Variants in HERC5 observed in about 807,000 individuals in gnomAD.
HERC5 encodes HECT and RLD domain containing E3 ubiquitin protein ligase 5.
A neutral mutation model predicts 119.6 loss-of-function variants in HERC5; 99 were observed. The observed-to-expected ratio is 0.83, with a 90% CI of 0.70 to 0.98. The LOEUF (loss-of-function observed/expected upper bound fraction) is 0.98. Among genes scored for constraint, HERC5 ranks in the 50% least tolerant of loss-of-function variants. The pLI is 0.00. For missense variants in HERC5, 1,267 were observed against 1,241.3 expected (o/e 1.02, Z -0.31); for synonymous variants, 478 against 445.9 (o/e 1.07, Z -0.91).
chr4:88,467,069 CT>C lies in HERC5; in HGVS notation c.924del (p.Ala309ProfsTer29). The C allele has an allele frequency of 1.2e-6, 2 of 1,614,036 alleles. No homozygotes were observed. The highest frequency in any genetic ancestry group is 1.7e-6 in the Non-Finnish European group (2 of 1,179,928). ...TQIACGRWHTLAYVSDLGKVF... is the reference protein window; with the variant it reads ...TQIACGRWHTXAYVSDLGKVF... ...GCTTTTATTTAATAGGTGGCACACA[CT>C]TGCCTATGTTTCTGATTTGGGAAAG... is the stretch of plus-strand genomic sequence containing the variant. On this transcript the variant is annotated frameshift_variant, in exon 7 of 23. Transcript: ENST00000264350. LOFTEE classifies it high-confidence loss of function.
intron 6 of HERC5, among the ~76,000 whole-genome samples, chr4:88,464,628 G>T (rs1258314347): frequency 1.1e-4 from 16 of 149,588 alleles, no homozygotes; most frequent in Non-Finnish European, 1.9e-4. Flanking sequence ...TTGCTTTGTT[G>T]CCCAGGCTGG....
At chr4:88,479,632 A>ATT in intron 13 of HERC5, 125 bp downstream of exon 13, 1 of 599,106 alleles carries the variant, frequency 1.7e-6, no homozygotes. Flanking sequence ...TATTTTTTTA[A>ATT]TTTTTTTTTA....
intron 13 of HERC5, 139 bp from the exon 14 acceptor site, chr4:88,485,976 T>C (rs1425146394): frequency 2.2e-6 from 1 of 453,914 alleles, no homozygotes; most frequent in Non-Finnish European, 4.0e-6. Flanking sequence ...GCTCTGGCAG[T>C]GGAGGAATTG....
chr4:88,493,214 A>G (rs1741701254), intron 17 of HERC5, 59 bp downstream of exon 17: 5 of 1,487,276 alleles, frequency 3.4e-6, no homozygotes, highest in Non-Finnish European at 9.2e-7. Flanking sequence ...ACCATATACC[A>G]TAGAAAATTA....
At chr4:88,465,028 C>T (rs996757912) in intron 6 of HERC5, among the ~76,000 whole-genome samples, 2 of 152,142 alleles carry the variant, frequency 1.3e-5, no homozygotes, top group African/African-American at 4.8e-5. Flanking sequence ...CCTCGGCCTC[C>T]CAAAGTGCTG....
Position 88,462,355 on chromosome 4 carries a change from G to A in HERC5, c.687G>A (p.Glu229=). 6.2e-7 allele frequency: 1 copy of A among 1,611,854 alleles called. No homozygotes were observed. Among genetic ancestry groups the A allele is most frequent in the Non-Finnish European group, 8.5e-7 (1 of 1,177,900 alleles). Residue 229 remains glutamate, a splice_region_variant and synonymous_variant, in exon 4 of 23, where the codon GAG becomes GAA. Coordinates refer to ENST00000264350, the MANE Select transcript of HERC5 (RefSeq NM_016323.4). ...ECGQLGLGHT[E]SKDDPSLIEG... ...GACAACTAGGCCTGGGCCACACTGAGAGTATGGAACACATTCTCAGATTCC... is the reference window on the plus strand; with the variant it reads ...GACAACTAGGCCTGGGCCACACTGAAAGTATGGAACACATTCTCAGATTCC...
Position 88,505,838 on chromosome 4 carries a change from C to T in HERC5, c.3035C>T (p.Ala1012Val), listed in dbSNP as rs752546199. 2.0e-5 allele frequency: 32 copies of T among 1,613,072 alleles called. No homozygotes were observed. Among genetic ancestry groups the T allele is most frequent in the Non-Finnish European group, 2.5e-5 (30 of 1,179,508 alleles). The change falls in exon 23 of 23, where the codon GCG becomes GTG. Residue 1012 changes from alanine (A) to valine (V), a missense_variant. Ala to Val is a moderately conservative substitution (Grantham distance 64). Transcript: ENST00000264350. ...TCTACAATGGAAACAGTTGAAGAAG[C>T]GCTTCAAGAAGCCATCAACAACAAC... The part of the protein sequence containing the change: ...KYSTMETVEE[A>V]LQEAINNNRG...
At position 88,493,056 on chromosome 4, in the gene HERC5, G is replaced by T; in HGVS notation, c.2178G>T (p.Lys726Asn). The T allele has an allele frequency of 2.5e-6, 4 of 1,613,980 alleles. No homozygotes were observed. The highest frequency in any genetic ancestry group is 3.4e-6 in the Non-Finnish European group (4 of 1,179,912). ...GEIGYDLGGV[K>N]KEFFYCLFAE... ...TTGGGTATGACCTCGGAGGAGTCAA[G>T]AAAGAGTTCTTCTACTGTCTGTTTG... The change falls in exon 17 of 23, where the codon AAG becomes AAT. Residue 726 changes from lysine (K) to asparagine (N), a missense_variant. Physicochemically the swap from Lys to Asn is moderately conservative, Grantham distance 94. Coordinates refer to ENST00000264350, the MANE Select transcript of HERC5 (RefSeq NM_016323.4).
rs764329743 is a variant in HERC5, at chr4:88,479,554, A to C, written c.1737+47A>C. On this transcript the variant is annotated intron_variant, in intron 13 of 22. Coordinates refer to ENST00000264350, the MANE Select transcript of HERC5 (RefSeq NM_016323.4). ...TCTGTGTTTTTATCTAGCTGTAAAAATTCCCTTCCTTTCAGCTGGCTTGAA... is the reference window on the plus strand; with the variant it reads ...TCTGTGTTTTTATCTAGCTGTAAAACTTCCCTTCCTTTCAGCTGGCTTGAA... 11 of 1,464,086 alleles carry C rather than the reference A, an allele frequency of 7.5e-6. No individual in the cohort carries two copies. In the South Asian group the frequency reaches 1.5e-4, roughly 20 times the overall value. The allele number at this position is 1,464,086 out of a possible 1,614,324, so 90.7% of individuals were successfully genotyped here.
intron 18 of HERC5, among the ~76,000 whole-genome samples, chr4:88,498,779 C>A (rs1432094253): frequency 6.6e-6 from 1 of 152,152 alleles, no homozygotes; most frequent in Non-Finnish European, 1.5e-5. Flanking sequence ...TCATGTTGGC[C>A]AGGCTGGTCT....
At chr4:88,464,168 ATTTTTTT>A (rs374132307) in intron 6 of HERC5, among the ~76,000 whole-genome samples, 183 bp downstream of exon 6, 14 of 111,220 alleles carry the variant, frequency 1.3e-4, no homozygotes, top group South Asian at 8.3e-4. Context: ...GTTTTCTTTG[ATTTTTTT>A]TTTTTTTTTT....
rs543156233 is a variant in HERC5, at chr4:88,465,731, G to A, written c.912-1328G>A. On this transcript the variant is annotated intron_variant, in intron 6 of 22. Coordinates refer to ENST00000264350, the MANE Select transcript of HERC5 (RefSeq NM_016323.4). The stretch of plus-strand genomic sequence containing the variant: ...AGGACAATTCACTGGAAAGACTCAC[G>A]AACTTACTAAAAGCTATTATGCTCA... Among the ~76,000 whole-genome samples the A allele has an allele frequency of 1.4e-4, 21 of 152,292 alleles. No homozygotes were observed. In the East Asian group the frequency reaches 3.3e-3, roughly 24 times the overall value.
chr4:88,482,776 G>A (rs138651900), intron 13 of HERC5, among the ~76,000 whole-genome samples: 6 of 152,116 alleles, frequency 3.9e-5, no homozygotes, highest in East Asian at 1.9e-4. Flanking sequence ...GATTACAGGC[G>A]TGCACCACCA....
intron 12 of HERC5, among the ~76,000 whole-genome samples, chr4:88,477,064 CTT>C (rs35438949): frequency 1.4e-4 from 17 of 124,752 alleles, no homozygotes; most frequent in African/African-American, 1.5e-4. Context: ...GTATTTATAG[CTT>C]TTTTTTTTTT....
chr4:88,505,977 CA>C lies in HERC5; in HGVS notation c.*100del. The C allele has an allele frequency of 1.1e-6, 1 of 884,242 alleles. No homozygotes were observed. 54.8% of individuals were successfully genotyped at this position (884,242 alleles called of 1,614,324 possible). On this transcript the variant is annotated 3_prime_UTR_variant, in exon 23 of 23. Coordinates refer to ENST00000264350, the MANE Select transcript of HERC5 (RefSeq NM_016323.4). ...ACTTTGTTTTGTTTTAGGCTTTTAG[CA>C]GCCTGAAGCCATGGTTTTTCATTTC... is the stretch of plus-strand genomic sequence containing the variant.
At chr4:88,485,904 C>T (rs1464217758) in intron 13 of HERC5, among the ~76,000 whole-genome samples, 1 of 151,568 alleles carries the variant, frequency 6.6e-6, no homozygotes, top group East Asian at 1.9e-4. Context: ...AGAGGTTTAT[C>T]ATTACATCAT....
chr4:88,494,231 A>C lies in HERC5; in HGVS notation c.2344A>C (p.Asn782His). 1 of 1,613,356 alleles carries C rather than the reference A, an allele frequency of 6.2e-7. No homozygotes were observed. Among genetic ancestry groups the C allele is most frequent in the Non-Finnish European group, 8.5e-7 (1 of 1,179,484 alleles). Residue 782 changes from asparagine (N) to histidine (H), a missense_variant, in exon 18 of 23, where the codon AAT becomes CAT. Physicochemically the swap from Asn to His is moderately conservative, Grantham distance 68 (BLOSUM62 1). Transcript: ENST00000264350. Reference protein sequence around the residue: ...VLCGLSLFNCNVANLPFPLAL... With the variant: ...VLCGLSLFNCHVANLPFPLAL... ...ATGTGGACTTTCCCTGTTCAATTGC[A>C]ATGTTGCCAACCTTCCTTTCCCACT...
At chr4:88,501,891 C>T (rs914405818) in intron 20 of HERC5, among the ~76,000 whole-genome samples, 3 of 152,080 alleles carry the variant, frequency 2.0e-5, no homozygotes, top group Non-Finnish European at 4.4e-5. Flanking sequence ...CTCCGCCTCC[C>T]GGGTTCAAGC....
At chr4:88,501,042 G>A in intron 20 of HERC5, 57 bp downstream of exon 20, 2 of 1,226,536 alleles carry the variant, frequency 1.6e-6, no homozygotes, top group Non-Finnish European at 2.3e-6. Flanking sequence ...ATTTTACTGA[G>A]CTCTAAAAAT....
Sources: gnomAD v4.1 joint callset for allele counts (sites outside exome capture counted in the v4.1 genomes callset) on GRCh38, gnomAD v4.1.1 for gene constraint, MANE v1.5 for transcripts, NCBI Gene and HGNC (gene_info 2026-07-23, HGNC 2026-07-21) for gene names.